MGMT: variants seen among roughly 807,000 people sequenced by gnomAD.
MGMT encodes O-6-methylguanine-DNA methyltransferase.
Under a neutral mutation model 15.9 loss-of-function variants are expected in MGMT, and 14 were observed. The ratio of observed to expected loss-of-function variants is 0.88; its 90% CI spans 0.58 to 1.37. The LOEUF is 1.37. Among genes scored for constraint, MGMT ranks in the 40% most tolerant of loss-of-function variants. MGMT has a pLI of 0.00. For missense variants in MGMT, 282 were observed against 268.1 expected (o/e 1.05, Z -0.36); for synonymous variants, 130 against 118.2 (o/e 1.10, Z -0.65).
rs765521390 is a variant in MGMT, at chr10:129,659,200, T to C, written c.126-48695T>C. 6.6e-6 allele frequency among the ~76,000 whole-genome samples: 1 copy of C among 151,864 alleles called. No homozygotes were observed. The highest frequency in any genetic ancestry group is 1.5e-5 in the Non-Finnish European group (1 of 67,972). On this transcript the variant is annotated intron_variant, in intron 2 of 4. Coordinates refer to ENST00000651593, the MANE Select transcript of MGMT (RefSeq NM_002412.5). This position sits in a 1 kb window ranked among gnomAD's most constrained non-coding sequence, Gnocchi z 4.1. ...AGTGAAACCCCATCTCTACTAAAAA[T>C]ACAAAACTTACCTGGGCATGGTGGT...
At chr10:129,530,514 C>T (rs906690749) in intron 1 of MGMT, among the ~76,000 whole-genome samples, 2 of 152,278 alleles carry the variant, frequency 1.3e-5, no homozygotes, top group South Asian at 2.1e-4. Flanking sequence ...GTCTCTTGAT[C>T]GTTCCTGGTT....
At chr10:129,573,367 T>C (rs988420815) in intron 2 of MGMT, among the ~76,000 whole-genome samples, 1 of 152,214 alleles carries the variant, frequency 6.6e-6, no homozygotes, top group African/African-American at 2.4e-5. Context: ...GATCTCCCAA[T>C]GTTAACAGCT....
intron 2 of MGMT, among the ~76,000 whole-genome samples, chr10:129,624,591 A>G (rs1361613049): frequency 6.6e-6 from 1 of 152,248 alleles, no homozygotes; most frequent in Non-Finnish European, 1.5e-5. Context: ...AAGACACGAA[A>G]TAGCAAACAT....
At chr10:129,467,423 C>G (rs1845181152) in intron 1 of MGMT, 127 bp downstream of exon 1, 1 of 1,368,056 alleles carries the variant, frequency 7.3e-7, no homozygotes, top group South Asian at 1.7e-5. Context: ...GACCCCCACC[C>G]ATCCCGGGCG....
intron 3 of MGMT, among the ~76,000 whole-genome samples, chr10:129,715,250 A>G (rs1199394199): frequency 3.3e-5 from 5 of 152,216 alleles, no homozygotes; most frequent in Admixed American, 6.5e-5. Context: ...TAAATCAGTG[A>G]TGGCTTCTAT....
rs541645427 is a variant in MGMT at position 129,721,081 on chromosome 10, T to G, written c.274+13038T>G. ...GATGGCAAGTTGATAGTTTCGTTAT[T>G]ATGAAATATTTACTTTGGACAAAGG... On this transcript the variant is annotated intron_variant, in intron 3 of 4. Coordinates refer to ENST00000651593, the MANE Select transcript of MGMT (RefSeq NM_002412.5). Among the ~76,000 whole-genome samples, 210 of 152,364 alleles carry G rather than the reference T, an allele frequency of 1.4e-3. 1 individual carries two copies. The highest frequency in any genetic ancestry group is 4.9e-3 in the African/African-American group (205 of 41,584).
chr10:129,736,447 G>A (rs1257082911), intron 3 of MGMT, among the ~76,000 whole-genome samples: 15 of 148,122 alleles, frequency 1.0e-4, no homozygotes, highest in Non-Finnish European at 1.9e-4. Flanking sequence ...TTTTGAGCCT[G>A]TGTGTGTCTC....
intron 2 of MGMT, among the ~76,000 whole-genome samples, chr10:129,596,596 G>A (rs1464492639): frequency 6.6e-6 from 1 of 152,218 alleles, no homozygotes; most frequent in Admixed American, 6.5e-5. Context: ...CGGTGCTTGA[G>A]TGGAAGGAGT....
At chr10:129,705,760 C>G (rs1848153217) in intron 2 of MGMT, among the ~76,000 whole-genome samples, 1 of 152,176 alleles carries the variant, frequency 6.6e-6, no homozygotes. Flanking sequence ...CTGTGGTCCT[C>G]CTGGACACCA....
chr10:129,724,985 G>C (rs1260874497), intron 3 of MGMT, among the ~76,000 whole-genome samples: 1 of 152,218 alleles, frequency 6.6e-6, no homozygotes, highest in Non-Finnish European at 1.5e-5. Context: ...GTGAGTCTGG[G>C]AGGTCTGTGA....
At chr10:129,633,915 T>TC (rs1847238083) in intron 2 of MGMT, among the ~76,000 whole-genome samples, 1 of 152,256 alleles carries the variant, frequency 6.6e-6, no homozygotes, top group Admixed American at 6.5e-5. Flanking sequence ...GTAAATGAAT[T>TC]AATGCAGCCG....
At chr10:129,599,382 A>T (rs1167795367) in intron 2 of MGMT, among the ~76,000 whole-genome samples, 2 of 152,202 alleles carry the variant, frequency 1.3e-5, no homozygotes, top group Non-Finnish European at 1.5e-5. Context: ...CGTCACTAGG[A>T]AGTAGTCATG....
At chr10:129,616,902 G>C (rs1448537098) in intron 2 of MGMT, among the ~76,000 whole-genome samples, 1 of 152,112 alleles carries the variant, frequency 6.6e-6, no homozygotes, top group African/African-American at 2.4e-5. Flanking sequence ...CTCGCTTGAC[G>C]AGCCCAGACT....
chr10:129,567,845 T>A (rs964838849), intron 2 of MGMT, among the ~76,000 whole-genome samples: 1 of 152,208 alleles, frequency 6.6e-6, no homozygotes, highest in Non-Finnish European at 1.5e-5. Context: ...CTTAAAATGA[T>A]AGATCACCTA....
rs979606627 is a variant in MGMT at position 129,653,544 on chromosome 10, G to A, written c.126-54351G>A. 3.9e-5 allele frequency among the ~76,000 whole-genome samples: 6 copies of A among 152,230 alleles called. No individual in the cohort carries two copies. In the East Asian group the frequency reaches 5.8e-4, roughly 15 times the overall value. On this transcript the variant is annotated intron_variant, in intron 2 of 4. Coordinates refer to ENST00000651593, the MANE Select transcript of MGMT (RefSeq NM_002412.5). ...AGATGGCCCGTGTGGGAGGGGTAAC[G>A]CCTGCAAACCCGACCCTGATCACCA... is the stretch of plus-strand genomic sequence containing the variant.
At chr10:129,692,774 A>G (rs1376082512) in intron 2 of MGMT, among the ~76,000 whole-genome samples, 1 of 152,194 alleles carries the variant, frequency 6.6e-6, no homozygotes, top group Non-Finnish European at 1.5e-5. Context: ...CCTGTAAGTG[A>G]CAAACTGAGG....
intron 3 of MGMT, among the ~76,000 whole-genome samples, chr10:129,730,340 C>A (rs1414765963): frequency 6.6e-6 from 1 of 152,144 alleles, no homozygotes; most frequent in Non-Finnish European, 1.5e-5. Flanking sequence ...GTTTTGCATG[C>A]ATTGATAATG....
chr10:129,606,936 A>G (rs978520017), intron 2 of MGMT, among the ~76,000 whole-genome samples: 1 of 152,226 alleles, frequency 6.6e-6, no homozygotes, highest in African/African-American at 2.4e-5. Context: ...TGACTGCAAT[A>G]TTTAATAACA....
intron 1 of MGMT, among the ~76,000 whole-genome samples, chr10:129,518,274 A>G (rs544037881): frequency 1.3e-5 from 2 of 151,804 alleles, no homozygotes; most frequent in Non-Finnish European, 2.9e-5. Context: ...AAATATGTGA[A>G]AAAACTTTAT....
Sources: gnomAD v4.1 joint callset for allele counts (sites outside exome capture counted in the v4.1 genomes callset) on GRCh38, gnomAD v4.1.1 for gene constraint, Gnocchi (gnomAD v3.1) non-coding constraint, MANE v1.5 for transcripts, NCBI Gene and HGNC (gene_info 2026-07-23, HGNC 2026-07-21) for gene names.